The following PAX7 variants were observed in gnomAD, a reference collection of about 807,000 sequenced individuals.
PAX7 encodes paired box 7.
PAX7 carries 18 observed loss-of-function variants against 50.7 expected under a neutral mutation model. The ratio of observed to expected loss-of-function variants is 0.36; its 90% confidence interval spans 0.25 to 0.53. PAX7 has a LOEUF of 0.53. Among genes scored for constraint, PAX7 ranks in the 20% least tolerant of loss-of-function variants. The pLI is 0.93. For missense variants in PAX7, 644 were observed against 702.9 expected (o/e 0.92, Z 0.95); for synonymous variants, 310 against 290.4 (o/e 1.07, Z -0.69).
chr1:18,690,288 GA>G (rs144435917), intron 4 of PAX7, among the ~76,000 whole-genome samples: 4,113 of 152,354 alleles, frequency 0.027, 78 homozygotes, highest in Middle Eastern at 0.041. Context: ...AGGCAAAAGA[GA>G]AAAAGGAGGA....
At chr1:18,683,372 C>T (rs2088926435) in intron 4 of PAX7, among the ~76,000 whole-genome samples, 1 of 151,940 alleles carries the variant, frequency 6.6e-6, no homozygotes, top group African/African-American at 2.4e-5. Context: ...CAGTTGTTAC[C>T]AACCCAGCAC....
intron 8 of PAX7, among the ~76,000 whole-genome samples, chr1:18,742,317 C>A (rs1193865119): frequency 6.6e-5 from 10 of 152,032 alleles, no homozygotes; most frequent in African/African-American, 2.4e-4. Context: ...GCCACCACGT[C>A]CGGCTAATTT....
chr1:18,648,686 TG>T (rs2088385620), intron 4 of PAX7, among the ~76,000 whole-genome samples: 1 of 152,110 alleles, frequency 6.6e-6, no homozygotes, highest in Non-Finnish European at 1.5e-5. Context: ...TGGGATGTGC[TG>T]GGGAGGATAA....
At chr1:18,699,843 G>A (rs2089195253) in intron 5 of PAX7, among the ~76,000 whole-genome samples, 1 of 152,058 alleles carries the variant, frequency 6.6e-6, no homozygotes, top group Non-Finnish European at 1.5e-5. Context: ...TTACAGGTGT[G>A]AGCCGCTGCG....
chr1:18,688,700 A>G (rs989847949), intron 4 of PAX7, among the ~76,000 whole-genome samples: 2 of 152,158 alleles, frequency 1.3e-5, no homozygotes, highest in African/African-American at 4.8e-5. Context: ...CAGGAGTTCA[A>G]GACCAGAGTT....
In PAX7 at chr1:18,735,753, G is replaced by A. The variant is rs371958619; in HGVS notation, c.1277G>A (p.Arg426Gln). ...ATSISASCSQ[R>Q]ADSIKPGDSL... ...TCCATCTCAGCCAGCTGCAGCCAGCGGGCCGACTCCATCAAGCCAGGAGAC... is the reference window on the plus strand; with the variant it reads ...TCCATCTCAGCCAGCTGCAGCCAGCAGGCCGACTCCATCAAGCCAGGAGAC... The change falls in exon 8 of 9, where the codon CGG (arginine) becomes CAG (glutamine). Residue 426 changes from arginine (R) to glutamine (Q), a missense_variant. Coordinates refer to ENST00000420770, the MANE Select transcript of PAX7 (RefSeq NM_001135254.2). This position sits in a 1 kb window ranked among gnomAD's most constrained non-coding sequence, Gnocchi z 4.0. 25 of 1,613,946 alleles carry A rather than the reference G, an allele frequency of 1.5e-5. No homozygotes were observed. Among genetic ancestry groups the A allele is most frequent in the Non-Finnish European group, 1.9e-5 (22 of 1,180,006 alleles).
intron 7 of PAX7, among the ~76,000 whole-genome samples, chr1:18,728,616 T>G (rs899482915): frequency 6.6e-6 from 1 of 151,548 alleles, no homozygotes; most frequent in Non-Finnish European, 1.5e-5. Flanking sequence ...GTCCCAGCAC[T>G]TTGGGAGGCC....
chr1:18,673,120 G>C (rs925421948), intron 4 of PAX7, among the ~76,000 whole-genome samples: 12 of 152,290 alleles, frequency 7.9e-5, no homozygotes, highest in African/African-American at 2.4e-4. Context: ...GATGGGCCTG[G>C]GTTCAAGTCC....
At chr1:18,652,272 G>A (rs1383393942) in intron 4 of PAX7, among the ~76,000 whole-genome samples, 2 of 152,058 alleles carry the variant, frequency 1.3e-5, no homozygotes, top group Non-Finnish European at 2.9e-5. Flanking sequence ...CCCCAGGAAG[G>A]TAGAGTTAGA....
At position 18,690,340 on chromosome 1, in the gene PAX7, C is replaced by G. The variant is rs560438686; in HGVS notation, c.587-1414C>G. 2.5e-3 allele frequency among the ~76,000 whole-genome samples: 374 copies of G among 152,354 alleles called. 2 individuals are homozygous for G. The highest frequency in any genetic ancestry group is 3.4e-3 in the Middle Eastern group (1 of 294). ...AAGGAAGGTAGCCTCTGAGTGTCTGCTCTCTTTTCCATCTTCCTTTCTGCT... is the reference window on the plus strand; with the variant it reads ...AAGGAAGGTAGCCTCTGAGTGTCTGGTCTCTTTTCCATCTTCCTTTCTGCT... On this transcript the variant is annotated intron_variant, in intron 4 of 8. Coordinates refer to ENST00000420770, the MANE Select transcript of PAX7 (RefSeq NM_001135254.2).
At position 18,725,985 on chromosome 1, in the gene PAX7, T is replaced by TGTGC. The variant is rs1387603819; in HGVS notation, c.1156-9644_1156-9643insCGTG. 2.0e-4 allele frequency among the ~76,000 whole-genome samples: 29 copies of TGTGC among 142,756 alleles called. No homozygotes were observed. The East Asian group carries it at 5.8e-3, about 29-fold the overall frequency. The allele number at this position is 142,756 out of a possible 152,430, so 93.7% of individuals were successfully genotyped here. On this transcript the variant is annotated intron_variant, in intron 7 of 8. Coordinates refer to ENST00000420770, the MANE Select transcript of PAX7 (RefSeq NM_001135254.2). ...GTAAAACAGACATTGGAAGAGTGTGTGTGTGTGTGCGCGCGCGCGCGTGCG... is the reference window on the plus strand; with the variant it reads ...GTAAAACAGACATTGGAAGAGTGTGTGTGCGTGTGTGTGCGCGCGCGCGCGTGCG...
intron 7 of PAX7, among the ~76,000 whole-genome samples, chr1:18,709,397 C>G (rs890127814): frequency 6.6e-6 from 1 of 152,254 alleles, no homozygotes; most frequent in African/African-American, 2.4e-5. Flanking sequence ...AATTTCCCCA[C>G]ACACCGACCT....
chr1:18,735,756 C>T lies in PAX7; in HGVS notation c.1280C>T (p.Ala427Val), dbSNP rs1406446474. The change falls in exon 8 of 9, where the codon GCC (alanine) becomes GTC (valine). Residue 427 changes from alanine to valine, a missense_variant. Transcript: ENST00000420770. This position sits in a 1 kb window ranked among gnomAD's most constrained non-coding sequence, Gnocchi z 4.0. ...TSISASCSQR[A>V]DSIKPGDSLP... ...ATCTCAGCCAGCTGCAGCCAGCGGG[C>T]CGACTCCATCAAGCCAGGAGACAGC... The T allele has an allele frequency of 1.9e-6, 3 of 1,614,108 alleles. No homozygotes were observed. Among genetic ancestry groups the T allele is most frequent in the South Asian group, 2.2e-5 (2 of 91,080 alleles).
chr1:18,672,339 T>C (rs2088761251), intron 4 of PAX7, among the ~76,000 whole-genome samples: 1 of 152,200 alleles, frequency 6.6e-6, no homozygotes, highest in African/African-American at 2.4e-5. Context: ...CCCCCATCTC[T>C]TACAGAATAC....
At chr1:18,641,768 T>A (rs915104803) in intron 4 of PAX7, among the ~76,000 whole-genome samples, 4 of 152,064 alleles carry the variant, frequency 2.6e-5, no homozygotes, top group Non-Finnish European at 5.9e-5. Flanking sequence ...TACCAGACAG[T>A]ATTGGGAAGT....
At chr1:18,674,015 A>C (rs145509928) in intron 4 of PAX7, among the ~76,000 whole-genome samples, 15 of 152,330 alleles carry the variant, frequency 9.8e-5, no homozygotes, top group African/African-American at 3.6e-4. Flanking sequence ...TTATTGTACA[A>C]AACAATCCTA....
In PAX7 at chr1:18,634,483, G is replaced by A. The variant is rs897257600; in HGVS notation, c.266G>A (p.Arg89His). 8 of 1,614,134 alleles carry A rather than the reference G, an allele frequency of 5.0e-6. No homozygotes were observed. Among genetic ancestry groups the A allele is most frequent in the South Asian group, 1.1e-5 (1 of 91,086 alleles). ...GGCTGCGTCTCCAAGATTCTTTGCC[G>A]CTACCAGGAGACCGGGTCCATCCGG... ...SHGCVSKILCRYQETGSIRPG... is the reference protein window; with the variant it reads ...SHGCVSKILCHYQETGSIRPG... The change falls in exon 2 of 9, where the codon CGC becomes CAC. Residue 89 changes from arginine to histidine, a missense_variant. Physicochemically the swap from Arg to His is conservative, Grantham distance 29. Transcript: ENST00000420770. The surrounding 1 kb of genome is among the most constrained non-coding windows in gnomAD (Gnocchi z 4.0).
chr1:18,747,074 G>C lies in PAX7; in HGVS notation c.*2145G>C. The stretch of plus-strand genomic sequence containing the variant: ...GCTTTTGTAGCTATCACAGCAGAAA[G>C]CAACTCTTCCTGAAGACCAAACACT... On this transcript the variant is annotated 3_prime_UTR_variant, in exon 9 of 9. Transcript: ENST00000420770. 1 of 229,678 alleles carries C rather than the reference G, an allele frequency of 4.4e-6. No homozygotes were observed. 14.2% of individuals were successfully genotyped at this position (229,678 alleles called of 1,614,324 possible).
At chr1:18,664,506 C>G (rs936617956) in intron 4 of PAX7, among the ~76,000 whole-genome samples, 1 of 152,204 alleles carries the variant, frequency 6.6e-6, no homozygotes, top group Non-Finnish European at 1.5e-5. Flanking sequence ...CAGGCTGTCA[C>G]AGCACTCTCA....
Sources: allele counts gnomAD v4.1 joint callset (sites outside exome capture counted in the v4.1 genomes callset), GRCh38; gene constraint gnomAD v4.1.1; non-coding constraint Gnocchi (gnomAD v3.1); transcripts MANE v1.5; gene names NCBI Gene and HGNC (gene_info 2026-07-23, HGNC 2026-07-21).